BTBD9: variants seen among roughly 807,000 people sequenced by gnomAD.
BTBD9 encodes the protein BTB domain containing 9.
Under a neutral mutation model 64.3 loss-of-function variants are expected in BTBD9, and 49 were observed. The ratio of observed to expected loss-of-function variants is 0.76; its 90% CI spans 0.61 to 0.97. The LOEUF is 0.97. Among genes scored for constraint, BTBD9 ranks in the 50% least tolerant of loss-of-function variants. The pLI is 0.00. For synonymous variants in BTBD9, 260 were observed against 274.7 expected (o/e 0.95, Z 0.53); for missense variants, 598 against 762.1 (o/e 0.78, Z 2.53).
chr6:38,201,020 TA>T (rs35328697), intron 9 of BTBD9, among the ~76,000 whole-genome samples: 52 of 150,694 alleles, frequency 3.5e-4, no homozygotes, highest in African/African-American at 1.2e-3. Flanking sequence ...ACCCTGTCTA[TA>T]AAAAAAATAA....
intron 8 of BTBD9, among the ~76,000 whole-genome samples, chr6:38,275,107 G>T (rs1446624950): frequency 6.6e-6 from 1 of 152,128 alleles, no homozygotes; most frequent in Non-Finnish European, 1.5e-5. Context: ...ATACTACAAG[G>T]CTACAGTAAC....
At chr6:38,207,682 A>G (rs867903071) in intron 9 of BTBD9, among the ~76,000 whole-genome samples, 1 of 150,098 alleles carries the variant, frequency 6.7e-6, no homozygotes, top group South Asian at 2.1e-4. Context: ...ACCTTGAAGG[A>G]AAAAAAAAAG....
intron 10 of BTBD9, among the ~76,000 whole-genome samples, chr6:38,175,851 C>T (rs1034378791): frequency 3.9e-5 from 6 of 152,256 alleles, no homozygotes; most frequent in Non-Finnish European, 7.3e-5. Flanking sequence ...GCTAAGCAGC[C>T]GTGCTGGGGA....
At chr6:38,604,036 T>C (rs1272786728) in intron 1 of BTBD9, among the ~76,000 whole-genome samples, 1 of 152,084 alleles carries the variant, frequency 6.6e-6, no homozygotes, top group African/African-American at 2.4e-5. Flanking sequence ...ACTCTACCCC[T>C]GTCATCCAAA....
intron 6 of BTBD9, among the ~76,000 whole-genome samples, chr6:38,385,714 C>T (rs550613976): frequency 6.6e-6 from 1 of 151,126 alleles, no homozygotes; most frequent in East Asian, 1.9e-4. Context: ...TTAAGAAGAA[C>T]ATTATATGTT....
intron 2 of BTBD9, among the ~76,000 whole-genome samples, chr6:38,594,600 G>C (rs935114602): frequency 8.5e-5 from 13 of 152,138 alleles, no homozygotes; most frequent in Admixed American, 2.0e-4. Flanking sequence ...AGAAAGATGA[G>C]AGTGATCTTT....
intron 1 of BTBD9, among the ~76,000 whole-genome samples, chr6:38,636,645 C>G (rs1286785603): frequency 6.6e-6 from 1 of 152,226 alleles, no homozygotes; most frequent in Non-Finnish European, 1.5e-5. Context: ...CACCTACACT[C>G]TAGTCTCCCT....
At chr6:38,519,442 G>A (rs1405228903) in intron 6 of BTBD9, among the ~76,000 whole-genome samples, 10 of 152,174 alleles carry the variant, frequency 6.6e-5, no homozygotes, top group Admixed American at 5.9e-4. Flanking sequence ...AGTGACAGAT[G>A]AAGACAGGCT....
At chr6:38,595,633 T>C (rs1376146103) in intron 2 of BTBD9, 1 of 226,180 alleles carries the variant, frequency 4.4e-6, no homozygotes, top group Non-Finnish European at 7.4e-6. Flanking sequence ...GTTGCTAAAA[T>C]TCTCAGAGTA....
chr6:38,193,720 C>T, intron 9 of BTBD9: 1 of 726,908 alleles, frequency 1.4e-6, no homozygotes, highest in Non-Finnish European at 1.7e-6. Flanking sequence ...CCTCCGCTCT[C>T]ACAGTGGAAA....
intron 6 of BTBD9, among the ~76,000 whole-genome samples, chr6:38,369,770 T>C (rs1250292768): frequency 6.6e-6 from 1 of 152,226 alleles, no homozygotes; most frequent in Non-Finnish European, 1.5e-5. Context: ...TTCAGGTACC[T>C]GACTAAGCTG....
intron 10 of BTBD9, among the ~76,000 whole-genome samples, chr6:38,185,986 C>G (rs1270052254): frequency 6.6e-6 from 1 of 152,210 alleles, no homozygotes; most frequent in Non-Finnish European, 1.5e-5. Flanking sequence ...GCTGCGGTGA[C>G]AGCATCCTCA....
chr6:38,344,655 TTCAAACTCGCCTA>T (rs1425804971), intron 7 of BTBD9, among the ~76,000 whole-genome samples: 1 of 152,188 alleles, frequency 6.6e-6, no homozygotes, highest in East Asian at 1.9e-4. Context: ...CAGACTTCTC[TTCAAACTCGCCTA>T]TCATTAAATC....
intron 5 of BTBD9, among the ~76,000 whole-genome samples, chr6:38,579,826 T>A (rs1408068332): frequency 6.6e-6 from 1 of 152,224 alleles, no homozygotes; most frequent in Non-Finnish European, 1.5e-5. Flanking sequence ...GCTTTTTGTA[T>A]ATCTAATCTT....
chr6:38,610,775 T>G (rs1777591358), intron 1 of BTBD9, among the ~76,000 whole-genome samples: 1 of 152,168 alleles, frequency 6.6e-6, no homozygotes. Flanking sequence ...GTTGTAAGTA[T>G]AAACTGGTTC....
At chr6:38,266,419 A>C in intron 8 of BTBD9, among the ~76,000 whole-genome samples, 1 of 152,004 alleles carries the variant, frequency 6.6e-6, no homozygotes, top group Non-Finnish European at 1.5e-5. Context: ...TTAAAAATAC[A>C]AAAATTAGCC....
chr6:38,275,773 A>C (rs1490862901), intron 8 of BTBD9, among the ~76,000 whole-genome samples: 2 of 152,202 alleles, frequency 1.3e-5, no homozygotes, highest in African/African-American at 2.4e-5. Flanking sequence ...GCCATCAGAG[A>C]AATGCAAATC....
At chr6:38,393,140 C>T (rs1363424933) in intron 6 of BTBD9, among the ~76,000 whole-genome samples, 5 of 152,080 alleles carry the variant, frequency 3.3e-5, no homozygotes, top group African/African-American at 7.2e-5. Flanking sequence ...GTGATCCGTC[C>T]GCCTTAGCCT....
intron 8 of BTBD9, among the ~76,000 whole-genome samples, chr6:38,262,497 G>T (rs1764829052): frequency 6.6e-6 from 1 of 151,018 alleles, no homozygotes; most frequent in African/African-American, 2.4e-5. Context: ...TTGATTAGCA[G>T]ATGTGATTTT....
Sources: allele counts gnomAD v4.1 joint callset (sites outside exome capture counted in the v4.1 genomes callset), GRCh38; gene constraint gnomAD v4.1.1; transcripts MANE v1.5; gene names NCBI Gene and HGNC (gene_info 2026-07-23, HGNC 2026-07-21).